FARP1: variants seen among roughly 807,000 people sequenced by gnomAD.
The protein encoded by FARP1 is FERM, ARHGEF and pleckstrin domain-containing protein 1.
Under a neutral mutation model 128.8 loss-of-function variants are expected in FARP1, and 52 were observed. The ratio of observed to expected loss-of-function variants is 0.40; its 90% CI spans 0.32 to 0.51. The LOEUF is 0.51. Among genes scored for constraint, FARP1 ranks in the 20% least tolerant of loss-of-function variants. The probability of loss-of-function intolerance (pLI) is 0.45; values close to 1 mark genes in which losing one functional copy is unlikely to be tolerated. For missense variants in FARP1, 1,333 were observed against 1,367.9 expected (o/e 0.97, Z 0.40); for synonymous variants, 580 against 551.8 (o/e 1.05, Z -0.72).
At chr13:98,346,816 T>C (rs1250088754) in intron 3 of FARP1, among the ~76,000 whole-genome samples, 2 of 152,162 alleles carry the variant, frequency 1.3e-5, no homozygotes, top group Non-Finnish European at 2.9e-5. Context: ...GGAGGAGTTA[T>C]AGGGATTGCT....
chr13:98,428,560 C>T (rs926467092), intron 17 of FARP1, among the ~76,000 whole-genome samples: 3 of 152,350 alleles, frequency 2.0e-5, no homozygotes, highest in East Asian at 1.9e-4. Flanking sequence ...GCAAAGCCCT[C>T]CTGGTTTCTC....
At chr13:98,145,239 C>T (rs1875435927) in intron 1 of FARP1, among the ~76,000 whole-genome samples, 2 of 152,090 alleles carry the variant, frequency 1.3e-5, no homozygotes, top group Non-Finnish European at 2.9e-5. Flanking sequence ...GTGGCTGTGC[C>T]TCCTAGGGGC....
rs546579063 is a variant in FARP1, at chr13:98,363,353, G to T, written c.277-2042G>T. Among the ~76,000 whole-genome samples the T allele has an allele frequency of 1.7e-3, 255 of 152,286 alleles. 1 individual carries two copies. The highest frequency in any genetic ancestry group is 5.8e-3 in the African/African-American group (243 of 41,560). Reference sequence around the variant, plus strand: ...ATTGCTCCCTACCTCTGCCCCTTCCGTGTGTATTGCATATATATAGAATTT... The same window carrying T: ...ATTGCTCCCTACCTCTGCCCCTTCCTTGTGTATTGCATATATATAGAATTT... On this transcript the variant is annotated intron_variant, in intron 3 of 26. Transcript: ENST00000319562.
At chr13:98,262,262 C>A (rs111496877) in intron 2 of FARP1, among the ~76,000 whole-genome samples, 2,303 of 151,578 alleles carry the variant, frequency 0.015, 61 homozygotes, top group African/African-American at 0.054. Flanking sequence ...TCAAAGAGAT[C>A]CACCTGCCTT....
At chr13:98,160,466 TAAAAA>T (rs1876801805) in intron 1 of FARP1, among the ~76,000 whole-genome samples, 1 of 152,190 alleles carries the variant, frequency 6.6e-6, no homozygotes, top group East Asian at 1.9e-4. Flanking sequence ...AAAAAAAATT[TAAAAA>T]TAGCCTCGTT....
Position 98,168,337 on chromosome 13 carries a change from A to G in FARP1, c.-24+24845A>G, listed in dbSNP as rs145699858. ...CTGAGTTTTGTTTCCTGTGGAGTCA[A>G]TGGTTATCTTGCTTTTCCTTTGCTT... On this transcript the variant is annotated intron_variant, in intron 1 of 26. Coordinates refer to ENST00000319562, the MANE Select transcript of FARP1 (RefSeq NM_005766.4). 1.2e-4 allele frequency among the ~76,000 whole-genome samples: 18 copies of G among 152,280 alleles called. No homozygotes were observed. The East Asian group carries it at 3.1e-3, about 26-fold the overall frequency.
Position 98,378,979 on chromosome 13 carries a change from A to C in FARP1, c.496+1061A>C, listed in dbSNP as rs1447098716. ...ATATAATATATACAATATATAATCT[A>C]TATATAATATATATATAATATATAC... On this transcript the variant is annotated intron_variant, in intron 6 of 26. Coordinates refer to ENST00000319562, the MANE Select transcript of FARP1 (RefSeq NM_005766.4). Among the ~76,000 whole-genome samples, 2 of 78,484 alleles carry C rather than the reference A, an allele frequency of 2.5e-5. 1 individual carries two copies. Among genetic ancestry groups the C allele is most frequent in the Admixed American group, 3.0e-4 (2 of 6,624 alleles). 51.5% of individuals were successfully genotyped at this position (78,484 alleles called of 152,430 possible).
chr13:98,177,120 G>A, intron 1 of FARP1: 1 of 1,602,622 alleles, frequency 6.2e-7, no homozygotes, highest in South Asian at 1.1e-5. Flanking sequence ...GCTCGGGGTC[G>A]CAGGCCGGGC....
rs147970162 is a variant in FARP1 at position 98,448,248 on chromosome 13, G to A, written c.3069G>A (p.Val1023=). 1.9e-6 allele frequency: 3 copies of A among 1,613,876 alleles called. No individual in the cohort carries two copies. Among genetic ancestry groups the A allele is most frequent in the Admixed American group, 1.7e-5 (1 of 60,012 alleles). Residue 1023 remains valine, a synonymous_variant, in exon 27 of 27, where the codon GTG becomes GTA. Transcript: ENST00000319562. Reference sequence around the variant, plus strand: ...TCCCGTGTTGCAGGTGGATGGAAGTGATCCGCAGTGCCACCAGCTCTGCCT... The same window carrying A: ...TCCCGTGTTGCAGGTGGATGGAAGTAATCCGCAGTGCCACCAGCTCTGCCT... ...SEYTFERWME[V]IRSATSSASR... is the part of the protein sequence containing the mutation.
chr13:98,303,953 C>T (rs376759746), intron 2 of FARP1, among the ~76,000 whole-genome samples: 6 of 152,188 alleles, frequency 3.9e-5, no homozygotes, highest in Admixed American at 2.6e-4. Context: ...AGAGTTCACT[C>T]GTTACTTGAC....
At position 98,384,389 on chromosome 13, in the gene FARP1, C is replaced by T. The variant is rs556236965; in HGVS notation, c.497-341C>T. The T allele has an allele frequency of 3.1e-5, 7 of 227,508 alleles. No individual in the cohort carries two copies. The East Asian group carries it at 4.7e-4, about 15-fold the overall frequency. 14.1% of individuals were successfully genotyped at this position (227,508 alleles called of 1,614,324 possible). ...TGTATTTTTGGTAGAGACGAGGTTT[C>T]GCCATGTTGCCCAGGCTGATCTCGA... is the stretch of plus-strand genomic sequence containing the variant. On this transcript the variant is annotated intron_variant, in intron 6 of 26. Coordinates refer to ENST00000319562, the MANE Select transcript of FARP1 (RefSeq NM_005766.4).
intron 18 of FARP1, chr13:98,434,035 C>G (rs1263913267): frequency 6.6e-6 from 1 of 152,346 alleles, no homozygotes; most frequent in Non-Finnish European, 1.5e-5. Flanking sequence ...TCATCCAGTT[C>G]CACTCTGCTA....
chr13:98,347,797 GA>G (rs1010250592), intron 3 of FARP1, among the ~76,000 whole-genome samples: 19 of 152,268 alleles, frequency 1.2e-4, no homozygotes, highest in African/African-American at 4.6e-4. Flanking sequence ...TCCAACCTGA[GA>G]AAAAGCATGG....
intron 2 of FARP1, among the ~76,000 whole-genome samples, chr13:98,319,655 C>G (rs1566873768): frequency 6.6e-6 from 1 of 152,226 alleles, no homozygotes; most frequent in Non-Finnish European, 1.5e-5. Flanking sequence ...ATTTATCTCT[C>G]TTCTTCCCCT....
Position 98,228,091 on chromosome 13 carries a change from G to T in FARP1, c.171+14678G>T, listed in dbSNP as rs569501082. On this transcript the variant is annotated intron_variant, in intron 2 of 26. Coordinates refer to ENST00000319562, the MANE Select transcript of FARP1 (RefSeq NM_005766.4). The stretch of plus-strand genomic sequence containing the variant: ...TGGCTAAAATGGGCCGGGCGTGGTG[G>T]CTCATGCCTGTAATCCCAGCACTTT... Among the ~76,000 whole-genome samples the T allele has an allele frequency of 2.9e-3, 444 of 152,330 alleles. 1 individual carries two copies. Among genetic ancestry groups the T allele is most frequent in the Middle Eastern group, 6.8e-3 (2 of 292 alleles).
rs6491425 is a variant in FARP1 at position 98,425,105 on chromosome 13, A to G, written c.1905+455A>G. On this transcript the variant is annotated intron_variant, in intron 17 of 26. Coordinates refer to ENST00000319562, the MANE Select transcript of FARP1 (RefSeq NM_005766.4). ...ATTTCAAAGCATGAATGAAAAGCCAATCACTTTAGCGAAAGCATTTTTAGT... is the reference window on the plus strand; with the variant it reads ...ATTTCAAAGCATGAATGAAAAGCCAGTCACTTTAGCGAAAGCATTTTTAGT... Among the ~76,000 whole-genome samples, 910 of 152,200 alleles carry G rather than the reference A, an allele frequency of 6.0e-3. 13 individuals carry two copies. The highest frequency in any genetic ancestry group is 0.021 in the African/African-American group (859 of 41,534).
intron 2 of FARP1, among the ~76,000 whole-genome samples, chr13:98,274,505 G>GT (rs201628641): frequency 4.0e-4 from 60 of 149,608 alleles, no homozygotes; most frequent in East Asian, 1.4e-3. Context: ...TACGATAATA[G>GT]TTTTTTTTTT....
intron 1 of FARP1, among the ~76,000 whole-genome samples, chr13:98,178,553 C>G (rs1277597257): frequency 1.3e-5 from 2 of 152,090 alleles, no homozygotes; most frequent in Non-Finnish European, 2.9e-5. Flanking sequence ...TGAAATAATT[C>G]ATTTATATAA....
chr13:98,146,420 G>A (rs1172874810), intron 1 of FARP1, among the ~76,000 whole-genome samples: 3 of 152,208 alleles, frequency 2.0e-5, no homozygotes, highest in Non-Finnish European at 4.4e-5. Flanking sequence ...TAGAGACGGG[G>A]TTTCTCCATG....
Sources: gnomAD v4.1 joint callset for allele counts (sites outside exome capture counted in the v4.1 genomes callset) on GRCh38, gnomAD v4.1.1 for gene constraint, MANE v1.5 for transcripts, NCBI Gene and HGNC (gene_info 2026-07-23, HGNC 2026-07-21) for gene names.